The following SWT1 variants were observed in gnomAD, a reference collection of about 807,000 sequenced individuals.
SWT1 encodes transcriptional protein SWT1.
SWT1 carries 33 observed loss-of-function variants against 107.3 expected under a neutral mutation model. The ratio of observed to expected loss-of-function variants is 0.31; its 90% CI spans 0.23 to 0.41. The LOEUF (loss-of-function observed/expected upper bound fraction) is 0.41. Among genes scored for constraint, SWT1 ranks in the 10% least tolerant of loss-of-function variants. The probability of loss-of-function intolerance (pLI) is 1.00; values close to 1 mark genes in which losing one functional copy is unlikely to be tolerated. For missense variants in SWT1, 898 were observed against 1,028.9 expected (o/e 0.87, Z 1.74); for synonymous variants, 345 against 348.3 (o/e 0.99, Z 0.11).
At chr1:185,206,126 T>G (rs1658314386) in intron 12 of SWT1, among the ~76,000 whole-genome samples, 1 of 152,058 alleles carries the variant, frequency 6.6e-6, no homozygotes, top group East Asian at 1.9e-4. Flanking sequence ...GCCCAGCTAA[T>G]TTTTGCATTT....
At chr1:185,176,426 C>A in intron 5 of SWT1, 1 of 267,910 alleles carries the variant, frequency 3.7e-6, no homozygotes, top group Non-Finnish European at 5.7e-6. Context: ...ATATTTTAGG[C>A]AGAGGGAGCT....
chr1:185,226,905 C>T (rs1203950595), intron 15 of SWT1: 1 of 1,308,428 alleles, frequency 7.6e-7, no homozygotes, highest in Non-Finnish European at 1.1e-6. Context: ...ACAGTTCCAC[C>T]TCTTCTTTTT....
intron 16 of SWT1, chr1:185,266,443 G>T (rs1040977299): frequency 6.6e-6 from 1 of 152,100 alleles, no homozygotes; most frequent in African/African-American, 2.4e-5. Flanking sequence ...TCCTAAATAG[G>T]AGATAAGTTT....
intron 16 of SWT1, among the ~76,000 whole-genome samples, chr1:185,232,056 GT>G (rs1199483789): frequency 5.9e-5 from 9 of 152,074 alleles, no homozygotes; most frequent in Admixed American, 1.3e-4. Context: ...CTCTTGAATG[GT>G]TTTTGCAAAC....
intron 15 of SWT1, among the ~76,000 whole-genome samples, chr1:185,224,078 TTAAG>T (rs1659875074): frequency 6.6e-6 from 1 of 152,240 alleles, no homozygotes; most frequent in African/African-American, 2.4e-5. Context: ...TGCTGTTGAA[TTAAG>T]TTTCTTACAT....
intron 15 of SWT1, among the ~76,000 whole-genome samples, chr1:185,228,923 A>G (rs1247476877): frequency 1.3e-5 from 2 of 152,226 alleles, no homozygotes; most frequent in East Asian, 1.9e-4. Context: ...GTGAACTGAA[A>G]GAAGGCCAGT....
chr1:185,218,428 G>T (rs535760663), intron 14 of SWT1, among the ~76,000 whole-genome samples: 17 of 152,176 alleles, frequency 1.1e-4, no homozygotes, highest in African/African-American at 4.1e-4. Flanking sequence ...TCCAGCCTCA[G>T]CCTCCTGAAT....
At chr1:185,199,175 A>G (rs1160870563) in intron 10 of SWT1, among the ~76,000 whole-genome samples, 2 of 152,052 alleles carry the variant, frequency 1.3e-5, no homozygotes, top group African/African-American at 4.8e-5. Flanking sequence ...TGGCCTCGTG[A>G]TCCACCCACC....
chr1:185,249,201 C>T (rs1290280433), intron 16 of SWT1, among the ~76,000 whole-genome samples: 1 of 152,190 alleles, frequency 6.6e-6, no homozygotes, highest in African/African-American at 2.4e-5. Flanking sequence ...TCGCAGGCTG[C>T]AGGCTGGTTT....
intron 18 of SWT1, among the ~76,000 whole-genome samples, chr1:185,287,670 G>A (rs1235062881): frequency 6.6e-6 from 1 of 152,176 alleles, no homozygotes; most frequent in Non-Finnish European, 1.5e-5. Context: ...AGGTGTTAAG[G>A]TGCCCCTGCA....
chr1:185,251,193 ATAAAT>A (rs1558075003), intron 16 of SWT1: 1 of 152,234 alleles, frequency 6.6e-6, no homozygotes, highest in Non-Finnish European at 1.5e-5. Flanking sequence ...AAAAAAATAA[ATAAAT>A]TAATAAACCC....
chr1:185,157,434 G>C (rs925146289), intron 1 of SWT1, 120 bp downstream of exon 1: 4 of 152,414 alleles, frequency 2.6e-5, no homozygotes, highest in African/African-American at 9.7e-5. Flanking sequence ...CACGGACCTG[G>C]GCGGGGCGAC....
chr1:185,236,765 G>C (rs1337899851), intron 16 of SWT1, among the ~76,000 whole-genome samples: 1 of 152,188 alleles, frequency 6.6e-6, no homozygotes, highest in African/African-American at 2.4e-5. Context: ...ACTATCATCA[G>C]AGTGAACAGG....
At chr1:185,239,161 T>G (rs191080136) in intron 16 of SWT1, among the ~76,000 whole-genome samples, 2 of 152,236 alleles carry the variant, frequency 1.3e-5, no homozygotes, top group East Asian at 3.9e-4. Flanking sequence ...ACTAACAGCT[T>G]TGGGTTCTAG....
At chr1:185,209,048 G>A (rs1658558463) in intron 13 of SWT1, among the ~76,000 whole-genome samples, 1 of 151,920 alleles carries the variant, frequency 6.6e-6, no homozygotes, top group African/African-American at 2.4e-5. Context: ...TGATAAACCC[G>A]GTTTAGAAAT....
intron 16 of SWT1, among the ~76,000 whole-genome samples, chr1:185,255,416 A>T (rs1662411848): frequency 7.3e-6 from 1 of 137,928 alleles, no homozygotes; most frequent in Admixed American, 7.1e-5. Context: ...TGGGAGTCTA[A>T]GTCTCTTTGT....
chr1:185,281,071 C>A, intron 18 of SWT1: 2 of 258,866 alleles, frequency 7.7e-6, no homozygotes, highest in South Asian at 4.3e-5. Context: ...GATTTTTAGA[C>A]CAAGATTATT....
At chr1:185,284,876 C>T (rs78019526) in intron 18 of SWT1, among the ~76,000 whole-genome samples, 2,726 of 151,748 alleles carry the variant, frequency 0.018, 69 homozygotes, top group African/African-American at 0.063. Context: ...GCTTGCATTC[C>T]TCAGATAAGT....
chr1:185,170,221 G>A (rs72724103), intron 4 of SWT1, among the ~76,000 whole-genome samples: 12,917 of 152,172 alleles, frequency 0.085, 687 homozygotes, highest in African/African-American at 0.15. Context: ...TTTATACACC[G>A]TAAATTCTAA....
Sources: gnomAD v4.1 joint callset for allele counts (sites outside exome capture counted in the v4.1 genomes callset) on GRCh38, gnomAD v4.1.1 for gene constraint, MANE v1.5 for transcripts, NCBI Gene and HGNC (gene_info 2026-07-23, HGNC 2026-07-21) for gene names.